PIGN: variants seen among roughly 807,000 people sequenced by gnomAD.
PIGN encodes the protein GPI ethanolamine phosphate transferase 1.
In PIGN, 117 loss-of-function variants were observed where a neutral mutation model predicts 125.4. The observed-to-expected ratio is 0.93, with a 90% CI of 0.80 to 1.09. PIGN has a LOEUF of 1.09. PIGN is among the 50% of genes least tolerant of loss of function. PIGN has a pLI of 0.00. For synonymous variants in PIGN, 392 were observed against 377.8 expected (o/e 1.04, Z -0.44); for missense variants, 1,075 against 1,094.9 (o/e 0.98, Z 0.26).
Position 62,027,592 on chromosome 18 carries a change from G to A in PIGN, c.2143-9851C>T, listed in dbSNP as rs1243137244. ...GGTTGCATTCTTTTGAGTTTCTGAC[G>A]AACCTCTCCAAAGGAGGCAACCAGA... On this transcript the variant is annotated intron_variant, in intron 23 of 24. Transcript: ENST00000639600. Among the ~76,000 whole-genome samples, 3 of 152,300 alleles carry A rather than the reference G, an allele frequency of 2.0e-5. No individual in the cohort carries two copies. In the East Asian group the frequency reaches 5.8e-4, roughly 29 times the overall value.
intron 21 of PIGN, among the ~76,000 whole-genome samples, chr18:62,102,520 T>C (rs1288210672): frequency 6.7e-6 from 1 of 148,248 alleles, no homozygotes; most frequent in Non-Finnish European, 1.5e-5. Flanking sequence ...TCAGTCCAGA[T>C]GAAGCCCTTT....
At chr18:62,151,964 C>T (rs1175064578) in intron 7 of PIGN, among the ~76,000 whole-genome samples, 1 of 152,170 alleles carries the variant, frequency 6.6e-6, no homozygotes, top group Non-Finnish European at 1.5e-5. Context: ...TGGCCCATGA[C>T]ACAGTGCTCA....
intron 23 of PIGN, among the ~76,000 whole-genome samples, chr18:62,029,547 C>A (rs975858917): frequency 9.2e-5 from 14 of 152,290 alleles, no homozygotes; most frequent in African/African-American, 3.4e-4. Flanking sequence ...CTGGCTTAAT[C>A]TGAAAATTTA....
At chr18:62,074,914 G>A (rs1252709807) in intron 28 of PIGN, 93 bp from the exon 29 acceptor site, 6 of 774,654 alleles carry the variant, frequency 7.7e-6, no homozygotes, top group Non-Finnish European at 1.3e-5. Flanking sequence ...AAATAACCTA[G>A]TATTGTTGGT....
chr18:62,086,611 G>A lies in PIGN; in HGVS notation c.2371-1347C>T, dbSNP rs990840305. ...CAGCCTAGTGACAGAGTAAGACTCC[G>A]TTTTTTGTTTTTTTTTTTTTTTTAA... On this transcript the variant is annotated intron_variant, in intron 25 of 30. Transcript: ENST00000640252. Among the ~76,000 whole-genome samples, 9 of 106,858 alleles carry A rather than the reference G, an allele frequency of 8.4e-5. No homozygotes were observed. In the East Asian group the frequency reaches 1.6e-3, roughly 19 times the overall value. 70.1% of individuals were successfully genotyped at this position (106,858 alleles called of 152,430 possible).
chr18:62,032,418 A>C (rs1015108552), intron 23 of PIGN, among the ~76,000 whole-genome samples: 3 of 152,342 alleles, frequency 2.0e-5, no homozygotes, highest in African/African-American at 7.2e-5. Flanking sequence ...CATATGCTTC[A>C]AAGGTGAATG....
intron 1 of PIGN, among the ~76,000 whole-genome samples, chr18:62,164,528 ACTTTCAAACACCCAGAT>A (rs2037063750): frequency 6.6e-6 from 1 of 152,120 alleles, no homozygotes; most frequent in South Asian, 2.1e-4. Context: ...AATGCCACAG[ACTTTCAAACACCCAGAT>A]CTCACGAGAA....
intron 20 of PIGN, among the ~76,000 whole-genome samples, chr18:62,103,111 T>G (rs1314477617): frequency 6.6e-6 from 1 of 152,158 alleles, no homozygotes; most frequent in African/African-American, 2.4e-5. Context: ...AGGATAAAGA[T>G]ACTGCTGGAT....
At chr18:62,107,426 C>G (rs1447324787) in intron 17 of PIGN, 1 of 229,110 alleles carries the variant, frequency 4.4e-6, no homozygotes, top group African/African-American at 2.3e-5. Context: ...GAAACCCCAT[C>G]TCACTAAAAA....
downstream of PIGN, among the ~76,000 whole-genome samples, chr18:62,037,860 T>C (rs1053400642): frequency 6.6e-6 from 1 of 152,156 alleles, no homozygotes; most frequent in African/African-American, 2.4e-5. Flanking sequence ...GTGGTTGCAA[T>C]AACTCAATTA....
chr18:62,158,344 T>C (rs1414804199), intron 4 of PIGN, among the ~76,000 whole-genome samples: 1 of 152,196 alleles, frequency 6.6e-6, no homozygotes, highest in Non-Finnish European at 1.5e-5. Flanking sequence ...AAAATTGTCA[T>C]ACTAGGTAAA....
intron 14 of PIGN, among the ~76,000 whole-genome samples, chr18:62,117,340 C>G (rs1321304193): frequency 6.6e-6 from 1 of 151,642 alleles, no homozygotes; most frequent in Non-Finnish European, 1.5e-5. Context: ...TTTATGTAAA[C>G]AAAACCAAAT....
At chr18:62,088,586 T>A in intron 25 of PIGN, 170 bp downstream of exon 25, 1 of 508,384 alleles carries the variant, frequency 2.0e-6, no homozygotes, top group South Asian at 2.6e-5. Context: ...TTTATACTTT[T>A]CTATAGTTCA....
rs1036924815 is a variant in PIGN, at chr18:62,045,720, G to A, written c.*136C>T. The A allele has an allele frequency of 1.3e-5, 10 of 765,330 alleles. No individual in the cohort carries two copies. In the East Asian group the frequency reaches 2.0e-4, roughly 15 times the overall value. 47.4% of individuals were successfully genotyped at this position (765,330 alleles called of 1,614,324 possible). A position where few individuals can be genotyped will look rare whatever the true frequency, so the allele number is the denominator to read the frequency against. On this transcript the variant is annotated 3_prime_UTR_variant, in exon 31 of 31. Transcript: ENST00000640252. ...TTTGTTCCAGATAACCTGTCAATTC[G>A]GAATTCCAAATACCATTTTCCTTAC...
intron 14 of PIGN, among the ~76,000 whole-genome samples, chr18:62,118,049 C>T (rs571102635): frequency 9.9e-5 from 15 of 152,086 alleles, no homozygotes; most frequent in African/African-American, 3.6e-4. Context: ...CATAGGAGTG[C>T]AGATTATCTC....
At chr18:62,138,216 G>A in intron 14 of PIGN, 27 bp downstream of exon 14, 1 of 1,539,020 alleles carries the variant, frequency 6.5e-7, no homozygotes, top group Admixed American at 2.1e-5. Flanking sequence ...TTTCCTTCAA[G>A]TTAATAAAAA....
At chr18:62,161,413 G>T in intron 3 of PIGN, 28 bp from the exon 4 acceptor site, 2 of 1,107,888 alleles carry the variant, frequency 1.8e-6, no homozygotes, top group South Asian at 2.9e-5. Context: ...ATTAAATTGG[G>T]GTAAATCTTA....
chr18:62,123,791 A>G (rs1388061518), intron 14 of PIGN, among the ~76,000 whole-genome samples: 3 of 152,180 alleles, frequency 2.0e-5, no homozygotes, highest in African/African-American at 4.8e-5. Context: ...TGTTAGGAAA[A>G]CTAGTTAGCA....
At chr18:62,120,885 A>G (rs1185025485) in intron 14 of PIGN, among the ~76,000 whole-genome samples, 1 of 152,162 alleles carries the variant, frequency 6.6e-6, no homozygotes, top group African/African-American at 2.4e-5. Context: ...GAAAACACCA[A>G]CTAAAAGAAA....
Sources: allele counts gnomAD v4.1 joint callset (sites outside exome capture counted in the v4.1 genomes callset), GRCh38; gene constraint gnomAD v4.1.1; transcripts MANE v1.5; gene names NCBI Gene and HGNC (gene_info 2026-07-23, HGNC 2026-07-21).